PCDHA12: variants seen among roughly 807,000 people sequenced by gnomAD.
PCDHA12 encodes the protein protocadherin alpha-12.
Under a neutral mutation model 60.0 loss-of-function variants are expected in PCDHA12, and 44 were observed. The ratio of observed to expected loss-of-function variants is 0.73; its 90% confidence interval spans 0.58 to 0.94. The LOEUF (loss-of-function observed/expected upper bound fraction) is 0.94. Among genes scored for constraint, PCDHA12 ranks in the 40% least tolerant of loss-of-function variants. PCDHA12 has a pLI of 0.00. For missense variants in PCDHA12, 1,276 were observed against 1,239.7 expected, an observed-to-expected ratio of 1.03 and a Z score of -0.44; for synonymous variants, 569 against 553.0, an observed-to-expected ratio of 1.03 and a Z score of -0.40.
intron 1 of PCDHA12, among the ~76,000 whole-genome samples, chr5:140,906,736 AT>A (rs1330405649): frequency 6.6e-6 from 1 of 152,132 alleles, no homozygotes; most frequent in Non-Finnish European, 1.5e-5. Flanking sequence ...GTAGTTTCCC[AT>A]TGACACAGGG....
chr5:140,987,790 A>AT (rs1409478213), intron 3 of PCDHA12, among the ~76,000 whole-genome samples: 3 of 152,100 alleles, frequency 2.0e-5, no homozygotes, highest in Admixed American at 6.6e-5. Context: ...TATAGAGAAG[A>AT]TTTTTTTAAA....
At position 141,010,062 on chromosome 5, in the gene PCDHA12, A is replaced by G. The variant is rs1310704954; in HGVS notation, c.*125A>G. The G allele has an allele frequency of 8.1e-6, 13 of 1,602,422 alleles. No individual in the cohort carries two copies. Among genetic ancestry groups the G allele is most frequent in the African/African-American group, 2.7e-5 (2 of 74,284 alleles). On this transcript the variant is annotated 3_prime_UTR_variant, in exon 4 of 4. Transcript: ENST00000398631. Reference sequence around the variant, plus strand: ...CCTCTTAGAGACCTCAGAAATCTGCAGAAAGTTCCCTGTGTCTGTCTAGAA... The same window carrying G: ...CCTCTTAGAGACCTCAGAAATCTGCGGAAAGTTCCCTGTGTCTGTCTAGAA...
chr5:140,966,514 A>G (rs2096013065), intron 1 of PCDHA12: 1 of 434,820 alleles, frequency 2.3e-6, no homozygotes, highest in Non-Finnish European at 4.0e-6. Flanking sequence ...CAGCAGCAGC[A>G]GGAAGCCGAG....
intron 1 of PCDHA12, among the ~76,000 whole-genome samples, chr5:140,955,118 G>C (rs2095139401): frequency 6.6e-6 from 1 of 152,058 alleles, no homozygotes; most frequent in African/African-American, 2.4e-5. Flanking sequence ...TCTCTATTCT[G>C]TTCCACTGGT....
In PCDHA12 at chr5:140,884,485, A is replaced by G. The variant is rs781880810; in HGVS notation, c.2367+6646A>G. 8 of 1,613,726 alleles carry G rather than the reference A, an allele frequency of 5.0e-6. No homozygotes were observed. The South Asian group carries it at 6.6e-5, about 13-fold the overall frequency. Reference sequence around the variant, plus strand: ...CGTGCGCGCCGGGCAAGCCCACTCTAGTGTGCTCCAGCGCGGCAGGGAGTT... The same window carrying G: ...CGTGCGCGCCGGGCAAGCCCACTCTGGTGTGCTCCAGCGCGGCAGGGAGTT... On this transcript the variant is annotated intron_variant, in intron 1 of 3. Transcript: ENST00000398631.
At chr5:140,909,327 G>A (rs2074440684) in intron 1 of PCDHA12, among the ~76,000 whole-genome samples, 1 of 152,216 alleles carries the variant, frequency 6.6e-6, no homozygotes. Context: ...CCAAATCAAT[G>A]GTTGCATACC....
At chr5:140,956,297 G>A (rs1449094533) in intron 1 of PCDHA12, among the ~76,000 whole-genome samples, 1 of 151,928 alleles carries the variant, frequency 6.6e-6, no homozygotes, top group African/African-American at 2.4e-5. Context: ...TCATATATAT[G>A]GCTCTTATTA....
intron 1 of PCDHA12, among the ~76,000 whole-genome samples, chr5:140,888,673 A>G (rs571585641): frequency 6.6e-6 from 1 of 152,180 alleles, no homozygotes; most frequent in Non-Finnish European, 1.5e-5. Context: ...TGCCCTGTGC[A>G]TTAAGAGGTC....
At chr5:140,985,216 C>T (rs1009954667) in intron 3 of PCDHA12, among the ~76,000 whole-genome samples, 1 of 152,186 alleles carries the variant, frequency 6.6e-6, no homozygotes, top group South Asian at 2.1e-4. Context: ...GGATTACAGG[C>T]GTGAGCCACC....
intron 1 of PCDHA12, among the ~76,000 whole-genome samples, chr5:140,957,377 G>A (rs1001680224): frequency 3.3e-5 from 5 of 152,074 alleles, no homozygotes; most frequent in Admixed American, 2.0e-4. Context: ...TTATTATAGT[G>A]TATTGTTATA....
chr5:140,928,109 A>G (rs1472439079), intron 1 of PCDHA12: 1 of 1,614,104 alleles, frequency 6.2e-7, no homozygotes, highest in Middle Eastern at 1.6e-4. Flanking sequence ...CTGGACCGGG[A>G]GCAGATCAGT....
In PCDHA12 at chr5:140,883,821, A is replaced by G. The variant is rs376667172; in HGVS notation, c.2367+5982A>G. 3 of 1,612,334 alleles carry G rather than the reference A, an allele frequency of 1.9e-6. No homozygotes were observed. Among genetic ancestry groups the G allele is most frequent in the Non-Finnish European group, 2.5e-6 (3 of 1,179,764 alleles). The stretch of plus-strand genomic sequence containing the variant: ...GTGCACGCGGAGAGCGGCAAGGTGT[A>G]CGCGCTGCAGCCGTTGGACCACGAG... On this transcript the variant is annotated intron_variant, in intron 1 of 3. Coordinates refer to ENST00000398631, the MANE Select transcript of PCDHA12 (RefSeq NM_018903.4).
At chr5:140,931,935 G>A (rs1456832226) in intron 1 of PCDHA12, among the ~76,000 whole-genome samples, 2 of 151,826 alleles carry the variant, frequency 1.3e-5, no homozygotes, top group East Asian at 1.9e-4. Context: ...ATTATAATGT[G>A]TGTCTGAGTC....
At position 141,009,997 on chromosome 5, in the gene PCDHA12, A is replaced by C; in HGVS notation, c.*60A>C. 1 of 1,576,442 alleles carries C rather than the reference A, an allele frequency of 6.3e-7. No individual in the cohort carries two copies. The highest frequency in any genetic ancestry group is 2.2e-5 in the East Asian group (1 of 44,650). On this transcript the variant is annotated 3_prime_UTR_variant, in exon 4 of 4. Transcript: ENST00000398631. ...TTTGTAATAATGGCAAATCTCTCCC[A>C]TGTAGCAATTCCCTGCTCCTTTTTC...
intron 1 of PCDHA12, among the ~76,000 whole-genome samples, chr5:140,909,383 C>T (rs782249699): frequency 5.9e-5 from 9 of 152,202 alleles, no homozygotes; most frequent in Non-Finnish European, 1.3e-4. Flanking sequence ...GAAACCACAT[C>T]TAGTACAGCA....
chr5:140,967,985 A>C, intron 1 of PCDHA12: 1 of 1,614,218 alleles, frequency 6.2e-7, no homozygotes, highest in Non-Finnish European at 8.5e-7. Context: ...TCTGGAGGCC[A>C]CACTGCCTTT....
intron 1 of PCDHA12, chr5:140,968,975 T>G (rs782002097): frequency 2.5e-6 from 4 of 1,614,168 alleles, no homozygotes; most frequent in Non-Finnish European, 3.4e-6. Context: ...CTACACTGCG[T>G]ATGGCACTGC....
At chr5:140,895,435 C>T (rs2065005335) in intron 1 of PCDHA12, among the ~76,000 whole-genome samples, 2 of 152,134 alleles carry the variant, frequency 1.3e-5, no homozygotes, top group African/African-American at 4.8e-5. Context: ...CCTCCTGAGA[C>T]TCTTTTCATG....
In PCDHA12 at chr5:141,010,847, A is replaced by C. The variant is rs2098418553; in HGVS notation, c.*910A>C. 6.5e-6 allele frequency: 1 copy of C among 153,782 alleles called. No homozygotes were observed. Among genetic ancestry groups the C allele is most frequent in the Non-Finnish European group, 1.5e-5 (1 of 68,062 alleles). The allele number at this position is 153,782 out of a possible 1,614,324, so 9.5% of individuals were successfully genotyped here. A position where few individuals can be genotyped will look rare whatever the true frequency, so the allele number is the denominator to read the frequency against. ...TTGTTGTTTCATAGATTTATTTAAA[A>C]AAAGAGAAAGTCTATAGCTATAAAT... On this transcript the variant is annotated 3_prime_UTR_variant, in exon 4 of 4. Transcript: ENST00000398631.
Sources: gnomAD v4.1 joint callset for allele counts (sites outside exome capture counted in the v4.1 genomes callset) on GRCh38, gnomAD v4.1.1 for gene constraint, MANE v1.5 for transcripts, NCBI Gene and HGNC (gene_info 2026-07-23, HGNC 2026-07-21) for gene names.